The following MEIS1 variants were observed in gnomAD, a reference collection of about 807,000 sequenced individuals.
MEIS1 encodes the protein homeobox protein Meis1.
In MEIS1, 5 loss-of-function variants were observed where a neutral mutation model predicts 50.8. That is an observed-to-expected ratio of 0.10 (90% CI 0.05 to 0.21). MEIS1 has a LOEUF of 0.21. Among genes scored for constraint, MEIS1 ranks in the 10% least tolerant of loss-of-function variants. The pLI, the probability that MEIS1 is intolerant of heterozygous loss-of-function variation, is 1.00. For synonymous variants in MEIS1, 176 were observed against 179.3 expected (o/e 0.98, Z 0.15); for missense variants, 318 against 517.3 (o/e 0.61, Z 3.74).
At chr2:66,438,083 C>A (rs1179082897) in intron 2 of MEIS1, 120 bp downstream of exon 2, 3 of 930,488 alleles carry the variant, frequency 3.2e-6, no homozygotes, top group Non-Finnish European at 4.7e-6. Flanking sequence ...GGTGACTTTT[C>A]ATTCACATTT....
At chr2:66,443,471 A>T (rs1028182379) in intron 6 of MEIS1, 9 of 176,568 alleles carry the variant, frequency 5.1e-5, no homozygotes, top group Admixed American at 3.2e-4. Context: ...AATCCAAGAT[A>T]GGTGGTCTAA....
intron 9 of MEIS1, among the ~76,000 whole-genome samples, chr2:66,563,870 G>A (rs1034404009): frequency 1.3e-5 from 2 of 152,150 alleles, no homozygotes; most frequent in Admixed American, 6.5e-5. Flanking sequence ...AATAGTCTGG[G>A]ATAATGATAA....
intron 7 of MEIS1, among the ~76,000 whole-genome samples, chr2:66,510,433 G>C (rs1487773504): frequency 6.6e-6 from 1 of 152,128 alleles, no homozygotes; most frequent in Non-Finnish European, 1.5e-5. Context: ...TACAACAATG[G>C]CTTTGGAGTG....
chr2:66,507,768 C>T (rs868157576), intron 7 of MEIS1, among the ~76,000 whole-genome samples: 5 of 152,308 alleles, frequency 3.3e-5, no homozygotes, highest in Middle Eastern at 6.8e-3. Context: ...CGATAAATGC[C>T]GCTTTATCCT....
intron 8 of MEIS1, among the ~76,000 whole-genome samples, chr2:66,522,160 C>G (rs1207506081): frequency 6.6e-6 from 1 of 152,156 alleles, no homozygotes; most frequent in Non-Finnish European, 1.5e-5. Context: ...TTCTTTCTAG[C>G]CAGAACAGAA....
intron 7 of MEIS1, 62 bp downstream of exon 7, chr2:66,464,282 A>G (rs1168674005): frequency 2.3e-6 from 3 of 1,304,612 alleles, no homozygotes; most frequent in Middle Eastern, 2.5e-4. Flanking sequence ...AAAATCAGAA[A>G]TGTCTAGTGA....
At chr2:66,442,658 G>A in intron 5 of MEIS1, 1 of 421,530 alleles carries the variant, frequency 2.4e-6, no homozygotes, top group Non-Finnish European at 4.1e-6. Context: ...ATTTAACACG[G>A]GTGTTGAATA....
intron 7 of MEIS1, among the ~76,000 whole-genome samples, chr2:66,501,623 A>G (rs1359997214): frequency 1.3e-5 from 2 of 152,128 alleles, no homozygotes; most frequent in Non-Finnish European, 1.5e-5. Context: ...AGGTATTCCT[A>G]TCTCAAAAGA....
intron 5 of MEIS1, among the ~76,000 whole-genome samples, chr2:66,442,263 CT>C (rs1186594179): frequency 1.7e-5 from 2 of 114,562 alleles, no homozygotes; most frequent in Non-Finnish European, 3.8e-5. Flanking sequence ...ATTCCTTCTC[CT>C]TTTTGTAAAA....
At chr2:66,528,480 C>A (rs1211246139) in intron 8 of MEIS1, among the ~76,000 whole-genome samples, 4 of 152,108 alleles carry the variant, frequency 2.6e-5, no homozygotes, top group Admixed American at 1.3e-4. Context: ...CGTCTCAGTT[C>A]ATGACATCAC....
chr2:66,550,851 A>G (rs991950976), intron 9 of MEIS1, among the ~76,000 whole-genome samples: 11 of 152,188 alleles, frequency 7.2e-5, no homozygotes, highest in Non-Finnish European at 1.3e-4. Context: ...GAGCATCGGT[A>G]CAAGTTATTT....
At chr2:66,440,918 TA>T (rs1671962809) in intron 4 of MEIS1, 1 of 452,766 alleles carries the variant, frequency 2.2e-6, no homozygotes, top group South Asian at 4.2e-5. Context: ...CATGTGTGCT[TA>T]AACTTTGCGG....
intron 7 of MEIS1, among the ~76,000 whole-genome samples, chr2:66,474,016 G>T (rs1257021213): frequency 6.6e-6 from 1 of 152,096 alleles, no homozygotes; most frequent in African/African-American, 2.4e-5. Context: ...TTTGCAAATA[G>T]TTGTTATACT....
At position 66,439,987 on chromosome 2, in the gene MEIS1, C is replaced by T; in HGVS notation, c.381+3C>T. Reference sequence around the variant, plus strand: ...ATATAGCCGTGTTCGCCAAACAGGTCAGCAAAATAGATGTTAAAAAGTAAA... The same window carrying T: ...ATATAGCCGTGTTCGCCAAACAGGTTAGCAAAATAGATGTTAAAAAGTAAA... On this transcript the variant is annotated splice_donor_region_variant and intron_variant, in intron 3 of 12. Coordinates refer to ENST00000272369, the MANE Select transcript of MEIS1 (RefSeq NM_002398.3). The T allele has an allele frequency of 6.2e-7, 1 of 1,607,346 alleles. No individual in the cohort carries two copies. Among genetic ancestry groups the T allele is most frequent in the Non-Finnish European group, 8.5e-7 (1 of 1,176,912 alleles).
chr2:66,523,019 A>G (rs754470251), intron 8 of MEIS1, among the ~76,000 whole-genome samples: 3 of 152,210 alleles, frequency 2.0e-5, no homozygotes, highest in East Asian at 1.9e-4. Context: ...ATCTTTAAGC[A>G]TGTTACATAT....
intron 6 of MEIS1, chr2:66,461,804 C>G (rs1672525586): frequency 2.2e-6 from 1 of 464,750 alleles, no homozygotes; most frequent in Non-Finnish European, 4.5e-6. Flanking sequence ...CCTCACAGAT[C>G]ATAGCGGAAT....
chr2:66,440,424 A>C, intron 3 of MEIS1, 138 bp from the exon 4 acceptor site: 1 of 742,172 alleles, frequency 1.3e-6, no homozygotes, highest in South Asian at 1.5e-5. Flanking sequence ...ACTCGGTGTC[A>C]CCGGGTCCCT....
chr2:66,551,425 G>T (rs913613441), intron 9 of MEIS1, among the ~76,000 whole-genome samples: 1 of 151,994 alleles, frequency 6.6e-6, no homozygotes, highest in Non-Finnish European at 1.5e-5. Flanking sequence ...AGAAAATCTC[G>T]TTATAACTCT....
intron 8 of MEIS1, among the ~76,000 whole-genome samples, chr2:66,522,049 G>A (rs1674135411): frequency 6.6e-6 from 1 of 152,178 alleles, no homozygotes; most frequent in African/African-American, 2.4e-5. Context: ...TCAGAAACAT[G>A]CAAGGCATTA....
Sources: gnomAD v4.1 joint callset for allele counts (sites outside exome capture counted in the v4.1 genomes callset) on GRCh38, gnomAD v4.1.1 for gene constraint, MANE v1.5 for transcripts, NCBI Gene and HGNC (gene_info 2026-07-23, HGNC 2026-07-21) for gene names.